IL1RAPL1: variants seen among roughly 807,000 people sequenced by gnomAD.
IL1RAPL1 encodes interleukin-1 receptor accessory protein-like 1.
IL1RAPL1 carries 3 observed loss-of-function variants against 48.4 expected under a neutral mutation model. That is an observed-to-expected ratio of 0.06 (90% confidence interval 0.03 to 0.16). The LOEUF is 0.16. Among genes scored for constraint, IL1RAPL1 ranks in the 10% least tolerant of loss-of-function variants. The pLI, the probability that IL1RAPL1 is intolerant of heterozygous loss-of-function variation, is 1.00. For synonymous variants in IL1RAPL1, 185 were observed against 187.7 expected (o/e 0.99, Z 0.12); for missense variants, 349 against 530.6 (o/e 0.66, Z 3.36).
At chrX:28,890,334 A>AT (rs1445491657) in intron 2 of IL1RAPL1, among the ~76,000 whole-genome samples, 61 of 110,921 alleles carry the variant, frequency 5.5e-4, no homozygotes, top group Non-Finnish European at 8.9e-4. Context: ...TTGTAATTGG[A>AT]TTTTTTTTGG....
At chrX:28,719,324 T>A (rs1935540705) in intron 1 of IL1RAPL1, among the ~76,000 whole-genome samples, 1 of 111,112 alleles carries the variant, frequency 9.0e-6, no homozygotes, top group Admixed American at 9.7e-5. Context: ...ACCTGCCTTA[T>A]GGTAAGGATT....
At chrX:29,664,458 T>C (rs1401656276) in intron 5 of IL1RAPL1, among the ~76,000 whole-genome samples, 6 of 109,618 alleles carry the variant, frequency 5.5e-5, no homozygotes, top group African/African-American at 2.0e-4. Flanking sequence ...TTATGAAAAT[T>C]ATATATGACT....
chrX:29,221,445 A>G (rs1350679040), intron 2 of IL1RAPL1, among the ~76,000 whole-genome samples: 1 of 111,039 alleles, frequency 9.0e-6, no homozygotes, highest in Non-Finnish European at 1.9e-5. Flanking sequence ...TGCTCAGGAG[A>G]ACGAATCAAC....
intron 6 of IL1RAPL1, among the ~76,000 whole-genome samples, chrX:29,701,781 A>G (rs764540957): frequency 3.6e-5 from 4 of 111,457 alleles, no homozygotes; most frequent in Non-Finnish European, 7.5e-5. Context: ...TGCCTCATTT[A>G]TACCTGTGAG....
intron 5 of IL1RAPL1, among the ~76,000 whole-genome samples, chrX:29,399,712 G>A (rs1425667025): frequency 6.4e-5 from 7 of 110,012 alleles, no homozygotes; most frequent in African/African-American, 2.0e-4. Context: ...CCAGCTACTC[G>A]GGAGGCTGAG....
chrX:29,157,884 T>G (rs751847836), intron 2 of IL1RAPL1, among the ~76,000 whole-genome samples: 1 of 111,772 alleles, frequency 8.9e-6, no homozygotes, highest in East Asian at 2.8e-4. Context: ...ATTAAAAAAT[T>G]TAGTTCCCCT....
chrX:29,556,127 C>T (rs954268584), intron 5 of IL1RAPL1, among the ~76,000 whole-genome samples: 2 of 111,657 alleles, frequency 1.8e-5, no homozygotes. Context: ...GAAGGCACAG[C>T]TTAGAGCCCC....
chrX:29,526,917 G>C (rs945838706), intron 5 of IL1RAPL1, among the ~76,000 whole-genome samples: 2 of 111,169 alleles, frequency 1.8e-5, no homozygotes, highest in East Asian at 5.6e-4. Flanking sequence ...TTGAAACTAA[G>C]GTTAAAATGA....
At chrX:29,378,283 T>C (rs1287046908) in intron 3 of IL1RAPL1, among the ~76,000 whole-genome samples, 1 of 111,983 alleles carries the variant, frequency 8.9e-6, no homozygotes, top group Non-Finnish European at 1.9e-5. Flanking sequence ...TTTACTTGAT[T>C]CATTGGATTC....
intron 3 of IL1RAPL1, among the ~76,000 whole-genome samples, chrX:29,333,625 A>G (rs1464553197): frequency 1.4e-5 from 1 of 70,713 alleles, no homozygotes; most frequent in Non-Finnish European, 2.6e-5. Flanking sequence ...CTGGCCGGGC[A>G]GAGGGGCTCC....
intron 2 of IL1RAPL1, among the ~76,000 whole-genome samples, chrX:28,844,172 T>C (rs1255361853): frequency 1.9e-5 from 2 of 106,707 alleles, no homozygotes; most frequent in African/African-American, 3.4e-5. Context: ...TGGAAATTCA[T>C]ATGGTCGGAA....
At chrX:28,708,015 GA>G (rs2146933490) in intron 1 of IL1RAPL1, among the ~76,000 whole-genome samples, 1 of 111,605 alleles carries the variant, frequency 9.0e-6, no homozygotes, top group Admixed American at 9.5e-5. Context: ...AATGGAGCTG[GA>G]ATTTTAAAGA....
intron 1 of IL1RAPL1, among the ~76,000 whole-genome samples, chrX:28,738,099 C>G (rs186178291): frequency 9.0e-6 from 1 of 111,253 alleles, no homozygotes; most frequent in East Asian, 2.8e-4. Flanking sequence ...CAATTTGCAG[C>G]CAGAAAATCA....
intron 2 of IL1RAPL1, among the ~76,000 whole-genome samples, chrX:28,905,404 C>G (rs1308478959): frequency 9.0e-6 from 1 of 110,747 alleles, no homozygotes; most frequent in Non-Finnish European, 1.9e-5. Flanking sequence ...AAAGTTTTTC[C>G]TTTTGCCAGG....
At chrX:29,169,827 A>G (rs1929874551) in intron 2 of IL1RAPL1, among the ~76,000 whole-genome samples, 1 of 111,301 alleles carries the variant, frequency 9.0e-6, no homozygotes, top group African/African-American at 3.2e-5. Context: ...ATGTAATAAA[A>G]TAATTAGATT....
intron 3 of IL1RAPL1, among the ~76,000 whole-genome samples, chrX:29,286,887 T>C (rs1400779763): frequency 9.0e-6 from 1 of 110,517 alleles, no homozygotes; most frequent in Non-Finnish European, 1.9e-5. Flanking sequence ...AATTTTATTT[T>C]TGAGATAATT....
intron 2 of IL1RAPL1, among the ~76,000 whole-genome samples, chrX:29,200,285 C>A (rs138124070): frequency 0.068 from 7,605 of 111,025 alleles, 271 homozygotes; most frequent in Non-Finnish European, 0.1. Context: ...CATTCAGAGG[C>A]TCTGCATAGC....
chrX:29,895,949 C>T (rs1285939258), intron 6 of IL1RAPL1, among the ~76,000 whole-genome samples: 1 of 111,720 alleles, frequency 9.0e-6, no homozygotes, highest in African/African-American at 3.3e-5. Flanking sequence ...AGAGAAACAG[C>T]CAACATTCCC....
Position 29,425,666 on chromosome X carries a change from G to A in IL1RAPL1, c.703+26358G>A, listed in dbSNP as rs188968529. Among the ~76,000 whole-genome samples the A allele has an allele frequency of 4.0e-3, 445 of 111,012 alleles. 3 individuals are homozygous for A. The highest frequency in any genetic ancestry group is 0.014 in the African/African-American group (427 of 30,515). On this transcript the variant is annotated intron_variant, in intron 5 of 10. Coordinates refer to ENST00000378993, the MANE Select transcript of IL1RAPL1 (RefSeq NM_014271.4). ...ATGATTACGGCTCACTGCTACCTCCGCCTCCTGGGCTCAAGCAATCCGCCC... is the reference window on the plus strand; with the variant it reads ...ATGATTACGGCTCACTGCTACCTCCACCTCCTGGGCTCAAGCAATCCGCCC...
Sources: allele counts gnomAD v4.1 joint callset (sites outside exome capture counted in the v4.1 genomes callset), GRCh38; gene constraint gnomAD v4.1.1; transcripts MANE v1.5; gene names NCBI Gene and HGNC (gene_info 2026-07-23, HGNC 2026-07-21).